The following ZNF654 variants were observed in gnomAD, a reference collection of about 807,000 sequenced individuals.
ZNF654 encodes zinc finger protein 654.
A neutral mutation model predicts 95.3 loss-of-function variants in ZNF654; 19 were observed. That is an observed-to-expected ratio of 0.20 (90% CI 0.14 to 0.29). The LOEUF is 0.29. Ranked by LOEUF, ZNF654 falls within the 10% of genes least tolerant of loss-of-function variation. The pLI, the probability that ZNF654 is intolerant of heterozygous loss-of-function variation, is 1.00. For synonymous variants in ZNF654, 413 were observed against 457.9 expected (o/e 0.90, Z 1.25); for missense variants, 1,046 against 1,341.0 (o/e 0.78, Z 3.44).
intron 7 of ZNF654, 170 bp downstream of exon 7, chr3:88,135,372 A>G: frequency 4.7e-6 from 2 of 421,266 alleles, no homozygotes; most frequent in Non-Finnish European, 8.0e-6. Flanking sequence ...AACTCTCAAC[A>G]TGGGAGGCTG....
intron 2 of ZNF654, among the ~76,000 whole-genome samples, chr3:88,096,376 T>C (rs1394540441): frequency 2.6e-5 from 4 of 152,000 alleles, no homozygotes; most frequent in African/African-American, 9.7e-5. Context: ...TGTGAGAGGG[T>C]ACCTCTGAAG....
chr3:88,067,687 G>A (rs1707277553), intron 1 of ZNF654, among the ~76,000 whole-genome samples: 2 of 152,294 alleles, frequency 1.3e-5, no homozygotes, highest in Admixed American at 6.5e-5. Context: ...AGATCCAATC[G>A]TTGAATTAAC....
Position 88,096,298 on chromosome 3 carries a change from G to A in ZNF654, c.332+9896G>A, listed in dbSNP as rs1209174323. Among the ~76,000 whole-genome samples, 3 of 152,074 alleles carry A rather than the reference G, an allele frequency of 2.0e-5. No homozygotes were observed. The East Asian group carries it at 5.8e-4, about 29-fold the overall frequency. Reference sequence around the variant, plus strand: ...TTAGCTCTAGAAATGGAGGGACAAAGGAAGAAGAAAGTATTACTAGAGCCC... The same window carrying A: ...TTAGCTCTAGAAATGGAGGGACAAAAGAAGAAGAAAGTATTACTAGAGCCC... On this transcript the variant is annotated intron_variant, in intron 2 of 8. Transcript: ENST00000636215.
intron 3 of ZNF654, among the ~76,000 whole-genome samples, chr3:88,119,986 ATAAT>A (rs1258639357): frequency 6.6e-6 from 1 of 152,184 alleles, no homozygotes; most frequent in Non-Finnish European, 1.5e-5. Context: ...TAAACAAGGA[ATAAT>A]TATTCATATT....
At chr3:88,114,207 T>G (rs1705256783) in intron 3 of ZNF654, among the ~76,000 whole-genome samples, 1 of 152,056 alleles carries the variant, frequency 6.6e-6, no homozygotes, top group South Asian at 2.1e-4. Context: ...GACAGATTCC[T>G]TAGAGAAAAA....
At chr3:88,102,261 T>C (rs1704470078) in intron 2 of ZNF654, among the ~76,000 whole-genome samples, 1 of 152,186 alleles carries the variant, frequency 6.6e-6, no homozygotes, top group Non-Finnish European at 1.5e-5. Context: ...CAAAAAACTT[T>C]TTAGAAACCA....
intron 2 of ZNF654, among the ~76,000 whole-genome samples, chr3:88,109,679 A>T (rs1306318961): frequency 6.6e-6 from 1 of 152,178 alleles, no homozygotes; most frequent in African/African-American, 2.4e-5. Context: ...TCAAGGGGGA[A>T]CTGTAAATCA....
chr3:88,120,719 C>T (rs1431752797), intron 3 of ZNF654, among the ~76,000 whole-genome samples: 1 of 152,062 alleles, frequency 6.6e-6, no homozygotes, highest in Non-Finnish European at 1.5e-5. Flanking sequence ...CGCACATGTA[C>T]TCATACTATA....
intron 1 of ZNF654, among the ~76,000 whole-genome samples, chr3:88,061,319 T>C (rs1295950224): frequency 6.6e-6 from 1 of 152,128 alleles, no homozygotes; most frequent in African/African-American, 2.4e-5. Flanking sequence ...AGTGTCTTAA[T>C]AGTGACAGTA....
chr3:88,129,598 C>A, intron 5 of ZNF654, 89 bp from the exon 6 acceptor site: 1 of 1,034,840 alleles, frequency 9.7e-7, no homozygotes, highest in Non-Finnish European at 1.3e-6. Flanking sequence ...GAAATCTAAG[C>A]AATTTCTCTT....
chr3:88,112,776 T>C (rs966611785), intron 2 of ZNF654, among the ~76,000 whole-genome samples: 1 of 152,066 alleles, frequency 6.6e-6, no homozygotes, highest in Non-Finnish European at 1.5e-5. Context: ...AGCTGGACTT[T>C]GGGTTCATTT....
chr3:88,087,395 A>G (rs974975398), intron 2 of ZNF654, among the ~76,000 whole-genome samples: 16 of 152,336 alleles, frequency 1.1e-4, no homozygotes, highest in Admixed American at 9.8e-4. Context: ...GTTTTTAAAA[A>G]ATGCTTATAG....
chr3:88,079,058 C>T lies in ZNF654; in HGVS notation c.187-7199C>T, dbSNP rs150247082. Reference sequence around the variant, plus strand: ...AGAATGGGAAAAGTGAGAGGATTAACGTACAGTTATACCGTAAAAAATCAA... The same window carrying T: ...AGAATGGGAAAAGTGAGAGGATTAATGTACAGTTATACCGTAAAAAATCAA... On this transcript the variant is annotated intron_variant, in intron 1 of 8. Coordinates refer to ENST00000636215, the MANE Select transcript of ZNF654 (RefSeq NM_001350134.2). Among the ~76,000 whole-genome samples, 12 of 152,088 alleles carry T rather than the reference C, an allele frequency of 7.9e-5. No homozygotes were observed. In the East Asian group the frequency reaches 1.7e-3, roughly 22 times the overall value.
At chr3:88,092,315 AAGAT>A (rs1377812810) in intron 2 of ZNF654, among the ~76,000 whole-genome samples, 1 of 152,220 alleles carries the variant, frequency 6.6e-6, no homozygotes, top group East Asian at 1.9e-4. Context: ...AATAGAATAT[AAGAT>A]AGATAAATTC....
intron 3 of ZNF654, among the ~76,000 whole-genome samples, chr3:88,116,083 A>G (rs978670431): frequency 6.6e-6 from 1 of 152,120 alleles, no homozygotes; most frequent in African/African-American, 2.4e-5. Flanking sequence ...TGCTTGTAAC[A>G]ACAAGGGCTG....
At position 88,140,379 on chromosome 3, in the gene ZNF654, G is replaced by T. The variant is rs548146174; in HGVS notation, c.2710G>T (p.Glu904Ter). 6.2e-7 allele frequency: 1 copy of T among 1,612,924 alleles called. No homozygotes were observed. The change falls in exon 8 of 9, where the codon GAG (glutamate) becomes TAG (stop). Residue 904 changes from glutamate (E) to a stop codon, truncating the protein, a stop_gained. Transcript: ENST00000636215. LOFTEE classifies it high-confidence loss of function. ...PNQEKDSSSNEKQTISLPVST... is the reference protein window; with the variant it reads ...PNQEKDSSSN ...TCAGGAAAAAGACTCATCTAGTAATGAGAAACAAACTATTAGTCTGCCAGT... is the reference window on the plus strand; with the variant it reads ...TCAGGAAAAAGACTCATCTAGTAATTAGAAACAAACTATTAGTCTGCCAGT...
At chr3:88,079,626 G>A (rs1053752583) in intron 1 of ZNF654, among the ~76,000 whole-genome samples, 2 of 151,978 alleles carry the variant, frequency 1.3e-5, no homozygotes, top group African/African-American at 4.8e-5. Context: ...GAGTGATACT[G>A]TAATGGGTAT....
intron 5 of ZNF654, among the ~76,000 whole-genome samples, chr3:88,129,321 TAAAAAAAAA>T (rs11370327): frequency 6.5e-5 from 5 of 76,932 alleles, no homozygotes; most frequent in East Asian, 3.9e-4. Flanking sequence ...TTGCCAGGAG[TAAAAAAAAA>T]AAAAAAAAAA....
Position 88,143,281 on chromosome 3 carries a change from A to G in ZNF654, c.*1629A>G, listed in dbSNP as rs972446251. 9.2e-5 allele frequency: 14 copies of G among 152,214 alleles called. No individual in the cohort carries two copies. The highest frequency in any genetic ancestry group is 2.6e-4 in the Admixed American group (4 of 15,236). 9.4% of individuals were successfully genotyped at this position (152,214 alleles called of 1,614,324 possible). On this transcript the variant is annotated 3_prime_UTR_variant, in exon 9 of 9. Coordinates refer to ENST00000636215, the MANE Select transcript of ZNF654 (RefSeq NM_001350134.2). ...TATCATCAGCATTCACTACTATGCA[A>G]TGATGGTCATAAGTCCATTCCAAAT...
Sources: allele counts gnomAD v4.1 joint callset (sites outside exome capture counted in the v4.1 genomes callset), GRCh38; gene constraint gnomAD v4.1.1; transcripts MANE v1.5; gene names NCBI Gene and HGNC (gene_info 2026-07-23, HGNC 2026-07-21).